GIGYF1: variants seen among roughly 807,000 people sequenced by gnomAD.
The protein encoded by GIGYF1 is GRB10 interacting GYF protein 1.
GIGYF1 carries 84 observed loss-of-function variants against 147.1 expected under a neutral mutation model. That is an observed-to-expected ratio of 0.57 (90% CI 0.48 to 0.68). GIGYF1 has a LOEUF of 0.68. Ranked by LOEUF, GIGYF1 falls within the 30% of genes least tolerant of loss-of-function variation. GIGYF1 has a pLI of 0.00. For synonymous variants in GIGYF1, 752 were observed against 589.5 expected (o/e 1.28, Z -3.99); for missense variants, 1,485 against 1,393.7 (o/e 1.07, Z -1.04).
At chr7:100,693,486 C>A (rs1805981510) in intron 1 of GIGYF1, among the ~76,000 whole-genome samples, 1 of 152,010 alleles carries the variant, frequency 6.6e-6, no homozygotes, top group African/African-American at 2.4e-5. Context: ...ATCGCCGGAG[C>A]GAAAGGAAAC....
Position 100,687,830 on chromosome 7 carries a change from T to C in GIGYF1, c.219A>G (p.Pro73=), listed in dbSNP as rs1296637283. The change falls in exon 6 of 27, where the codon CCA becomes CCG. Residue 73 remains proline (P), a synonymous_variant. Transcript: ENST00000678049. The part of the protein sequence containing the change: ...KEFAAVLQDE[P]LQPLALEPLT... ...GCGGCTCCAGAGCCAGGGGCTGCAG[T>C]GGCTCGTCCTGCAGCACCGCGGCGA... The C allele has an allele frequency of 1.9e-6, 3 of 1,612,658 alleles. No individual in the cohort carries two copies. Among genetic ancestry groups the C allele is most frequent in the Admixed American group, 1.7e-5 (1 of 60,000 alleles).
chr7:100,684,722 C>T lies in GIGYF1; in HGVS notation c.1462+1G>A. Reference sequence around the variant, plus strand: ...GCAGCCCTCCCATCCCACACAGGTACCTTGGATCTCGCCCTGTGGGTCCTT... The same window carrying T: ...GCAGCCCTCCCATCCCACACAGGTATCTTGGATCTCGCCCTGTGGGTCCTT... On this transcript the variant is annotated splice_donor_variant, in intron 15 of 26. Transcript: ENST00000678049. LOFTEE classifies it high-confidence loss of function. 6.2e-7 allele frequency: 1 copy of T among 1,611,688 alleles called. No individual in the cohort carries two copies. The highest frequency in any genetic ancestry group is 8.5e-7 in the Non-Finnish European group (1 of 1,178,666).
In GIGYF1 at chr7:100,686,428, C is replaced by T. The variant is rs1034373344; in HGVS notation, c.700G>A (p.Gly234Ser). ...TCCCGCCAGCCAGCAGAGCGGGGACCACCATCTGCACAGGAAAAGTCAGGG... is the reference window on the plus strand; with the variant it reads ...TCCCGCCAGCCAGCAGAGCGGGGACTACCATCTGCACAGGAAAAGTCAGGG... ...DRWRSASPDGGPRSAGWREHG... is the reference protein window; with the variant it reads ...DRWRSASPDGSPRSAGWREHG... Residue 234 changes from glycine to serine, a missense_variant, in exon 11 of 27, where the codon GGT becomes AGT. Coordinates refer to ENST00000678049, the MANE Select transcript of GIGYF1 (RefSeq NM_001375765.1). The T allele has an allele frequency of 5.7e-6, 9 of 1,590,488 alleles. No individual in the cohort carries two copies. In the East Asian group the frequency reaches 2.0e-4, roughly 36 times the overall value.
intron 3 of GIGYF1, 71 bp downstream of exon 3, chr7:100,688,380 G>T: frequency 1.3e-6 from 1 of 763,398 alleles, no homozygotes; most frequent in Non-Finnish European, 2.2e-6. Context: ...ACACCATGGG[G>T]GACATCCTAG....
chr7:100,693,513 C>G (rs552372675), intron 1 of GIGYF1, among the ~76,000 whole-genome samples: 2 of 152,156 alleles, frequency 1.3e-5, no homozygotes, highest in African/African-American at 4.8e-5. Flanking sequence ...GAGGAGGACC[C>G]AGGCGAGGTG....
chr7:100,683,758 C>A (rs1249459364), intron 19 of GIGYF1, 60 bp downstream of exon 19: 3 of 1,564,462 alleles, frequency 1.9e-6, no homozygotes, highest in Admixed American at 1.7e-5. Context: ...GGGGAGCAGA[C>A]CCCAGACCCC....
Position 100,683,629 on chromosome 7 carries a change from C to T in GIGYF1, c.1973G>A (p.Gly658Asp). 1 of 1,614,056 alleles carries T rather than the reference C, an allele frequency of 6.2e-7. No individual in the cohort carries two copies. The highest frequency in any genetic ancestry group is 8.5e-7 in the Non-Finnish European group (1 of 1,179,862). Residue 658 changes from glycine (G) to aspartate (D), a missense_variant, in exon 20 of 27, where the codon GGT (glycine) becomes GAT (aspartate). Transcript: ENST00000678049. ...VHTSASSQSG[G>D]EASLWDIPIN... ...TGGTATGTCCCAAAGACTGGCCTCA[C>T]CACCTGCAGGGGGCAGGGGGGCAGA...
chr7:100,680,699 G>C lies in GIGYF1; in HGVS notation c.*1020C>G, dbSNP rs1804661422. ...AAGCCACCCACTCCTTGCCTTTGAGGCCCCTCCTCCTGCCCCCTTCACTGG... is the reference window on the plus strand; with the variant it reads ...AAGCCACCCACTCCTTGCCTTTGAGCCCCCTCCTCCTGCCCCCTTCACTGG... On this transcript the variant is annotated 3_prime_UTR_variant, in exon 27 of 27. Transcript: ENST00000678049. 1 of 152,664 alleles carries C rather than the reference G, an allele frequency of 6.6e-6. No homozygotes were observed. The highest frequency in any genetic ancestry group is 1.5e-5 in the Non-Finnish European group (1 of 68,178). 9.5% of individuals were successfully genotyped at this position (152,664 alleles called of 1,614,324 possible). A position where few individuals can be genotyped will look rare whatever the true frequency, so the allele number is the denominator to read the frequency against.
chr7:100,686,994 G>T lies in GIGYF1; in HGVS notation c.523+12C>A, dbSNP rs760683178. On this transcript the variant is annotated intron_variant, in intron 9 of 26. Coordinates refer to ENST00000678049, the MANE Select transcript of GIGYF1 (RefSeq NM_001375765.1). ...CCTGCCGCCCCGGCCGCCGCCCTCAGCAGCCTCGTACCTCCATCCCGCCTT... is the reference window on the plus strand; with the variant it reads ...CCTGCCGCCCCGGCCGCCGCCCTCATCAGCCTCGTACCTCCATCCCGCCTT... 1.9e-6 allele frequency: 3 copies of T among 1,613,878 alleles called. No individual in the cohort carries two copies. The highest frequency in any genetic ancestry group is 3.3e-5 in the Admixed American group (2 of 60,026).
At chr7:100,682,520 G>A (rs1804881396) in intron 23 of GIGYF1, 38 bp from the exon 24 acceptor site, 3 of 1,603,446 alleles carry the variant, frequency 1.9e-6, no homozygotes, top group Non-Finnish European at 2.5e-6. Flanking sequence ...GAAATCAGCT[G>A]GCAGGGGTTG....
Position 100,687,672 on chromosome 7 carries a change from C to G in GIGYF1, c.262-56G>C. 2 of 1,462,656 alleles carry G rather than the reference C, an allele frequency of 1.4e-6. 1 individual carries two copies. Among genetic ancestry groups the G allele is most frequent in the East Asian group, 4.8e-5 (2 of 41,754 alleles). 90.6% of individuals were successfully genotyped at this position (1,462,656 alleles called of 1,614,324 possible). A position where few individuals can be genotyped will look rare whatever the true frequency, so the allele number is the denominator to read the frequency against. ...ACCCAGGCACCCAACCACCTCCACC[C>G]CCACCCCACAGCACCCTCCCCGCCT... On this transcript the variant is annotated intron_variant, in intron 6 of 26. Coordinates refer to ENST00000678049, the MANE Select transcript of GIGYF1 (RefSeq NM_001375765.1).
rs752534542 is a variant in GIGYF1, at chr7:100,683,472, G to C, written c.2053-28C>G. The stretch of plus-strand genomic sequence containing the variant: ...GAGACCAGTGGCCCATCAGAGGGGA[G>C]AGCTGCAGGGGACAGCCTGGGGCCT... On this transcript the variant is annotated intron_variant, in intron 20 of 26. Coordinates refer to ENST00000678049, the MANE Select transcript of GIGYF1 (RefSeq NM_001375765.1). The C allele has an allele frequency of 4.3e-6, 7 of 1,614,070 alleles. No individual in the cohort carries two copies. In the Admixed American group the frequency reaches 6.7e-5, roughly 15 times the overall value.
chr7:100,679,851 C>T lies in GIGYF1; in HGVS notation c.*1868G>A, dbSNP rs995554987. The T allele has an allele frequency of 1.3e-5, 2 of 152,658 alleles. No homozygotes were observed. Among genetic ancestry groups the T allele is most frequent in the African/African-American group, 4.8e-5 (2 of 41,520 alleles). The allele number at this position is 152,658 out of a possible 1,614,324, so 9.5% of individuals were successfully genotyped here. On this transcript the variant is annotated 3_prime_UTR_variant, in exon 27 of 27. Transcript: ENST00000678049. Reference sequence around the variant, plus strand: ...AGGCCTCTCCAGGCTCATGGGCCCCCTAAGTCCAAAGTCTCTTTAGCTGGG... The same window carrying T: ...AGGCCTCTCCAGGCTCATGGGCCCCTTAAGTCCAAAGTCTCTTTAGCTGGG...
rs1014391496 is a variant in GIGYF1, at chr7:100,680,846, G to T, written c.*873C>A. On this transcript the variant is annotated 3_prime_UTR_variant, in exon 27 of 27. Transcript: ENST00000678049. ...CTTGTGGCCCAAAGAATACATTCACGTGGCAAGGCAGAGAGCTGGGGCTTT... is the reference window on the plus strand; with the variant it reads ...CTTGTGGCCCAAAGAATACATTCACTTGGCAAGGCAGAGAGCTGGGGCTTT... The T allele has an allele frequency of 2.8e-4, 42 of 152,710 alleles. No homozygotes were observed. The highest frequency in any genetic ancestry group is 3.5e-4 in the Non-Finnish European group (24 of 68,090). 9.5% of individuals were successfully genotyped at this position (152,710 alleles called of 1,614,324 possible).
chr7:100,688,278 G>A lies in GIGYF1; in HGVS notation c.-40C>T. On this transcript the variant is annotated 5_prime_UTR_variant, in exon 4 of 27. Coordinates refer to ENST00000678049, the MANE Select transcript of GIGYF1 (RefSeq NM_001375765.1). ...TGTTTGAGAGGCCGGGGGTGGGGAG[G>A]AGGGGACCTGGCGTTCACTGTCCAA... The A allele has an allele frequency of 1.6e-6, 2 of 1,275,174 alleles. No homozygotes were observed. Among genetic ancestry groups the A allele is most frequent in the Non-Finnish European group, 2.3e-6 (2 of 873,922 alleles). The allele number at this position is 1,275,174 out of a possible 1,614,324, so 79.0% of individuals were successfully genotyped here.
chr7:100,684,022 G>T lies in GIGYF1; in HGVS notation c.1866C>A (p.Pro622=), dbSNP rs752776526. ...FLQQLQALKP[P]RGGDQNLLPT... is the part of the protein sequence containing the mutation. ...GAGGGCTCGCACGCACCACGCACCTGGGGGGTTTGAGCGCCTGGAGCTGCT... is the reference window on the plus strand; with the variant it reads ...GAGGGCTCGCACGCACCACGCACCTTGGGGGTTTGAGCGCCTGGAGCTGCT... Residue 622 remains proline, a splice_region_variant and synonymous_variant, in exon 18 of 27, where the codon CCC becomes CCA. Transcript: ENST00000678049. 20 of 1,604,000 alleles carry T rather than the reference G, an allele frequency of 1.2e-5. No individual in the cohort carries two copies. The African/African-American group carries it at 2.3e-4, about 18-fold the overall frequency.
At position 100,688,283 on chromosome 7, in the gene GIGYF1, G is replaced by C; in HGVS notation, c.-45C>G. On this transcript the variant is annotated 5_prime_UTR_variant, in exon 4 of 27. Coordinates refer to ENST00000678049, the MANE Select transcript of GIGYF1 (RefSeq NM_001375765.1). ...GAGAGGCCGGGGGTGGGGAGGAGGG[G>C]ACCTGGCGTTCACTGTCCAAACACC... 5.4e-5 allele frequency: 66 copies of C among 1,211,118 alleles called. No homozygotes were observed. Among genetic ancestry groups the C allele is most frequent in the Non-Finnish European group, 7.0e-5 (57 of 817,106 alleles). The allele number at this position is 1,211,118 out of a possible 1,614,324, so 75.0% of individuals were successfully genotyped here. A position where few individuals can be genotyped will look rare whatever the true frequency, so the allele number is the denominator to read the frequency against.
In GIGYF1 at chr7:100,681,620, T is replaced by C; in HGVS notation, c.*99A>G. The C allele has an allele frequency of 3.4e-6, 4 of 1,191,398 alleles. No homozygotes were observed. Among genetic ancestry groups the C allele is most frequent in the East Asian group, 2.6e-5 (1 of 39,148 alleles). The allele number at this position is 1,191,398 out of a possible 1,614,324, so 73.8% of individuals were successfully genotyped here. Reference sequence around the variant, plus strand: ...GTGCTGGGGACCCCGCCCCTGCCTCTTCCTGTGCTCTCTGCGGGGAGCCTG... The same window carrying C: ...GTGCTGGGGACCCCGCCCCTGCCTCCTCCTGTGCTCTCTGCGGGGAGCCTG... On this transcript the variant is annotated 3_prime_UTR_variant, in exon 27 of 27. Transcript: ENST00000678049.
In GIGYF1 at chr7:100,681,702, C is replaced by T; in HGVS notation, c.*17G>A. On this transcript the variant is annotated 3_prime_UTR_variant, in exon 27 of 27. Coordinates refer to ENST00000678049, the MANE Select transcript of GIGYF1 (RefSeq NM_001375765.1). ...GCTGCCCTGGCCTACAGCCCAGGGGCTGGGGGTCCGGGCTGGTCAGTAGTC... is the reference window on the plus strand; with the variant it reads ...GCTGCCCTGGCCTACAGCCCAGGGGTTGGGGGTCCGGGCTGGTCAGTAGTC... 1 of 1,538,318 alleles carries T rather than the reference C, an allele frequency of 6.5e-7. No individual in the cohort carries two copies.
Sources: allele counts gnomAD v4.1 joint callset (sites outside exome capture counted in the v4.1 genomes callset), GRCh38; gene constraint gnomAD v4.1.1; transcripts MANE v1.5; gene names NCBI Gene and HGNC (gene_info 2026-07-23, HGNC 2026-07-21).